The following ZSCAN25 variants were observed in gnomAD, a reference collection of about 807,000 sequenced individuals.
ZSCAN25 encodes the protein zinc finger and SCAN domain-containing protein 25.
ZSCAN25 carries 27 observed loss-of-function variants against 38.7 expected under a neutral mutation model. The observed-to-expected ratio is 0.70, with a 90% CI of 0.51 to 0.96. The LOEUF (loss-of-function observed/expected upper bound fraction) is 0.96, where lower values mean the gene tolerates loss of function less well. ZSCAN25 is among the 40% of genes least tolerant of loss of function. The pLI is 0.00. For synonymous variants in ZSCAN25, 273 were observed against 277.7 expected (o/e 0.98, Z 0.17); for missense variants, 637 against 705.9 (o/e 0.90, Z 1.11).
chr7:99,731,749 G>A, the ZSCAN25 span, among the ~76,000 whole-genome samples: 2 of 152,072 alleles, frequency 1.3e-5, no homozygotes, highest in Non-Finnish European at 2.9e-5. Flanking sequence ...GGTCTTGGAG[G>A]AGTCACAGAG....
chr7:99,638,133 GTTCAAA>G, the ZSCAN25 span: 1 of 1,089,080 alleles, frequency 9.2e-7, no homozygotes, highest in Non-Finnish European at 1.3e-6. Flanking sequence ...TAACTCCAGA[GTTCAAA>G]TTCAAAAGAA....
chr7:99,679,731 ATC>A, the ZSCAN25 span: 1 of 1,190,692 alleles, frequency 8.4e-7, no homozygotes, highest in Non-Finnish European at 1.2e-6. Flanking sequence ...CTCCTTGAAC[ATC>A]TCTTTTGATC....
chr7:99,647,858 AG>A, the ZSCAN25 span: 42 of 985,066 alleles, frequency 4.3e-5, no homozygotes, highest in Admixed American at 3.1e-4. Flanking sequence ...ATTTTTGTAA[AG>A]GGGATTTTAT....
chr7:99,714,406 T>C, the ZSCAN25 span: 1 of 1,324,190 alleles, frequency 7.6e-7, no homozygotes, highest in Non-Finnish European at 1.0e-6. Context: ...TCTGCATTCC[T>C]ACCAAATGAA....
At chr7:99,729,095 T>C in the ZSCAN25 span, among the ~76,000 whole-genome samples, 1 of 152,138 alleles carries the variant, frequency 6.6e-6, no homozygotes, top group Admixed American at 6.5e-5. Flanking sequence ...CAAATACTTA[T>C]TTTGGACCCA....
the ZSCAN25 span, among the ~76,000 whole-genome samples, chr7:99,690,852 A>G: frequency 6.6e-6 from 1 of 152,204 alleles, no homozygotes; most frequent in Non-Finnish European, 1.5e-5. Flanking sequence ...GTGTGACTGT[A>G]AACTAGTTCA....
the ZSCAN25 span, chr7:99,671,557 T>C: frequency 8.1e-6 from 3 of 369,432 alleles, no homozygotes; most frequent in Non-Finnish European, 1.5e-5. Flanking sequence ...TGAACCTTGA[T>C]CTAAATCTCA....
At chr7:99,679,224 A>C in the ZSCAN25 span, among the ~76,000 whole-genome samples, 2 of 151,892 alleles carry the variant, frequency 1.3e-5, no homozygotes, top group Non-Finnish European at 2.9e-5. Flanking sequence ...CATAGGAGGG[A>C]GGGGATTTTC....
Position 99,630,042 on chromosome 7 carries a change from A to G in ZSCAN25, c.*22A>G. 6.7e-7 allele frequency: 1 copy of G among 1,492,864 alleles called. No individual in the cohort carries two copies. Among genetic ancestry groups the G allele is most frequent in the Non-Finnish European group, 8.9e-7 (1 of 1,119,652 alleles). 92.5% of individuals were successfully genotyped at this position (1,492,864 alleles called of 1,614,324 possible). On this transcript the variant is annotated 3_prime_UTR_variant, in exon 8 of 8. Coordinates refer to ENST00000394152, the MANE Select transcript of ZSCAN25 (RefSeq NM_145115.3). Reference sequence around the variant, plus strand: ...GTGAGCATAGCAGGTGGCAGGCAGCACCATCATTCATCTTTCTCACTGCAG... The same window carrying G: ...GTGAGCATAGCAGGTGGCAGGCAGCGCCATCATTCATCTTTCTCACTGCAG...
At chr7:99,717,694 G>A in the ZSCAN25 span, 1 of 1,596,922 alleles carries the variant, frequency 6.3e-7, no homozygotes. Context: ...GGTCTCCATG[G>A]TTGTAGAAAA....
At chr7:99,641,655 C>A in the ZSCAN25 span, among the ~76,000 whole-genome samples, 1 of 152,300 alleles carries the variant, frequency 6.6e-6, no homozygotes, top group South Asian at 2.1e-4. Flanking sequence ...AAACCTAATT[C>A]TTCCTCATCT....
intron 7 of ZSCAN25, among the ~76,000 whole-genome samples, chr7:99,625,106 C>T (rs1012306279): frequency 6.6e-6 from 1 of 152,164 alleles, no homozygotes; most frequent in Admixed American, 6.5e-5. Flanking sequence ...ATCCATCCTG[C>T]CCCTCCACTT....
At chr7:99,719,827 G>A in the ZSCAN25 span, among the ~76,000 whole-genome samples, 3 of 151,984 alleles carry the variant, frequency 2.0e-5, no homozygotes, top group Admixed American at 6.6e-5. Flanking sequence ...GTGAAACCTC[G>A]TCTCTACTAA....
At chr7:99,650,634 G>A in the ZSCAN25 span, among the ~76,000 whole-genome samples, 2 of 152,212 alleles carry the variant, frequency 1.3e-5, no homozygotes. Context: ...AGGAGAAGGA[G>A]AAAACGTCTT....
At chr7:99,676,576 C>T in the ZSCAN25 span, 1 of 1,354,226 alleles carries the variant, frequency 7.4e-7, no homozygotes, top group East Asian at 4.5e-5. Context: ...GGACTCTCAT[C>T]CTAGGTAGAA....
the ZSCAN25 span, chr7:99,648,318 A>G: frequency 3.7e-6 from 6 of 1,612,936 alleles, no homozygotes; most frequent in Non-Finnish European, 5.1e-6. Flanking sequence ...TTCTCCACTT[A>G]GGGTTCCATC....
chr7:99,666,448 G>A, the ZSCAN25 span, among the ~76,000 whole-genome samples: 1 of 152,174 alleles, frequency 6.6e-6, no homozygotes, highest in Non-Finnish European at 1.5e-5. Context: ...CCTCATGGGA[G>A]CCACTCCCTC....
the ZSCAN25 span, among the ~76,000 whole-genome samples, chr7:99,715,025 A>G: frequency 3.9e-5 from 6 of 152,238 alleles, no homozygotes; most frequent in Non-Finnish European, 5.9e-5. Flanking sequence ...TAAATTAATC[A>G]TGCTCTTCAA....
At chr7:99,660,597 T>C in the ZSCAN25 span, 1 of 1,613,926 alleles carries the variant, frequency 6.2e-7, no homozygotes, top group Non-Finnish European at 8.5e-7. Context: ...ACACTGCTGG[T>C]GGTTTCATAG....
Sources: gnomAD v4.1 joint callset for allele counts (sites outside exome capture counted in the v4.1 genomes callset) on GRCh38, gnomAD v4.1.1 for gene constraint, MANE v1.5 for transcripts, NCBI Gene and HGNC (gene_info 2026-07-23, HGNC 2026-07-21) for gene names.